Variants in IGF2BP2 observed in about 807,000 individuals in gnomAD.
IGF2BP2 encodes insulin-like growth factor 2 mRNA-binding protein 2.
In IGF2BP2, 17 loss-of-function variants were observed where a neutral mutation model predicts 75.8. The ratio of observed to expected loss-of-function variants is 0.22; its 90% confidence interval spans 0.15 to 0.34. IGF2BP2 has a LOEUF of 0.34. Ranked by LOEUF, IGF2BP2 falls within the 10% of genes least tolerant of loss-of-function variation. The probability of loss-of-function intolerance (pLI) is 1.00; values close to 1 mark genes in which losing one functional copy is unlikely to be tolerated. For synonymous variants in IGF2BP2, 288 were observed against 295.6 expected (o/e 0.97, Z 0.26); for missense variants, 516 against 772.4 (o/e 0.67, Z 3.93).
chr3:185,771,026 T>C (rs1211807274), intron 2 of IGF2BP2, among the ~76,000 whole-genome samples: 3 of 152,172 alleles, frequency 2.0e-5, no homozygotes, highest in Non-Finnish European at 4.4e-5. Flanking sequence ...GCTGAAATTA[T>C]AGGCATGAGC....
chr3:185,675,712 A>T, intron 8 of IGF2BP2, 79 bp downstream of exon 8: 3 of 1,507,882 alleles, frequency 2.0e-6, no homozygotes, highest in South Asian at 2.6e-5. Context: ...TTTAGGGAAA[A>T]GTAGATGAAT....
At chr3:185,756,044 C>T (rs371509580) in intron 2 of IGF2BP2, among the ~76,000 whole-genome samples, 1 of 152,168 alleles carries the variant, frequency 6.6e-6, no homozygotes, top group African/African-American at 2.4e-5. Context: ...AAATGTGATC[C>T]TCATTGCTGG....
intron 4 of IGF2BP2, 58 bp downstream of exon 4, chr3:185,696,554 A>G (rs1722605052): frequency 4.8e-6 from 7 of 1,446,182 alleles, no homozygotes; most frequent in African/African-American, 2.8e-5. Flanking sequence ...GACCTAACCT[A>G]TAAGAAATAA....
intron 7 of IGF2BP2, among the ~76,000 whole-genome samples, chr3:185,677,086 G>T (rs1349132265): frequency 6.7e-5 from 8 of 119,052 alleles, no homozygotes; most frequent in East Asian, 2.5e-4. Context: ...GAGAGAGAGA[G>T]AGAGAGAGAG....
At chr3:185,741,767 G>A (rs1729585204) in intron 2 of IGF2BP2, among the ~76,000 whole-genome samples, 1 of 152,210 alleles carries the variant, frequency 6.6e-6, no homozygotes, top group Non-Finnish European at 1.5e-5. Context: ...CCATGAGTGG[G>A]AGTTCCACAA....
At chr3:185,767,409 A>G (rs895210009) in intron 2 of IGF2BP2, among the ~76,000 whole-genome samples, 1 of 152,206 alleles carries the variant, frequency 6.6e-6, no homozygotes, top group Non-Finnish European at 1.5e-5. Context: ...TCTAAAATCC[A>G]ATCCCATTTC....
At chr3:185,821,545 T>C (rs991437543) in intron 2 of IGF2BP2, among the ~76,000 whole-genome samples, 5 of 152,164 alleles carry the variant, frequency 3.3e-5, no homozygotes, top group African/African-American at 1.2e-4. Context: ...TGTTAATAAC[T>C]TTAGATAAAC....
chr3:185,810,235 T>C (rs1739620021), intron 2 of IGF2BP2, among the ~76,000 whole-genome samples: 1 of 152,240 alleles, frequency 6.6e-6, no homozygotes, highest in Admixed American at 6.5e-5. Flanking sequence ...TGTTTTGTTT[T>C]GTTTTATAAA....
chr3:185,666,002 A>G (rs1399458185), intron 10 of IGF2BP2, among the ~76,000 whole-genome samples: 2 of 8,616 alleles, frequency 2.3e-4, no homozygotes, highest in African/African-American at 5.8e-4. Flanking sequence ...AGATAGGTAC[A>G]TAGATAGATA....
At chr3:185,793,735 A>G (rs1208481647) in intron 2 of IGF2BP2, among the ~76,000 whole-genome samples, 2 of 152,050 alleles carry the variant, frequency 1.3e-5, no homozygotes, top group Admixed American at 6.6e-5. Flanking sequence ...CTGATAACAC[A>G]ACTGCTCAGT....
intron 2 of IGF2BP2, among the ~76,000 whole-genome samples, chr3:185,714,386 T>TATCC (rs1395425930): frequency 3.3e-5 from 5 of 152,224 alleles, no homozygotes; most frequent in South Asian, 4.1e-4. Context: ...ATCATCTAGC[T>TATCC]ATCCATCCAT....
In IGF2BP2 at chr3:185,686,077, A is replaced by T. The variant is rs144262845; in HGVS notation, c.812+980T>A. 7.7e-3 allele frequency among the ~76,000 whole-genome samples: 1,180 copies of T among 152,310 alleles called. 10 individuals carry two copies. The highest frequency in any genetic ancestry group is 0.012 in the Non-Finnish European group (823 of 68,028). ...CCTCATTACACTGTGGAATCCTATAATTACTTCATAAAATAAGGGGAAAGG... is the reference window on the plus strand; with the variant it reads ...CCTCATTACACTGTGGAATCCTATATTTACTTCATAAAATAAGGGGAAAGG... On this transcript the variant is annotated intron_variant, in intron 7 of 15. Transcript: ENST00000382199.
At chr3:185,806,217 T>G (rs539970151) in intron 2 of IGF2BP2, among the ~76,000 whole-genome samples, 1 of 152,300 alleles carries the variant, frequency 6.6e-6, no homozygotes, top group Non-Finnish European at 1.5e-5. Flanking sequence ...GACTGTTTTG[T>G]GAAAAAATAT....
intron 2 of IGF2BP2, among the ~76,000 whole-genome samples, chr3:185,707,117 C>T (rs1230618873): frequency 6.6e-6 from 1 of 151,184 alleles, no homozygotes; most frequent in African/African-American, 2.4e-5. Context: ...CCCAGTTACT[C>T]GAGAGGCTGA....
intron 10 of IGF2BP2, among the ~76,000 whole-genome samples, chr3:185,664,043 G>A (rs935862909): frequency 6.6e-6 from 1 of 152,218 alleles, no homozygotes; most frequent in African/African-American, 2.4e-5. Flanking sequence ...CGACGACTTG[G>A]CCGGAGGGTT....
intron 4 of IGF2BP2, among the ~76,000 whole-genome samples, chr3:185,695,295 G>A (rs1199400549): frequency 6.6e-6 from 1 of 152,072 alleles, no homozygotes; most frequent in African/African-American, 2.4e-5. Flanking sequence ...CAAGAAAATG[G>A]GTTGTTTGCA....
Position 185,773,291 on chromosome 3 carries a change from A to G in IGF2BP2, c.239+49862T>C, listed in dbSNP as rs555859074. Among the ~76,000 whole-genome samples the G allele has an allele frequency of 1.4e-4, 22 of 152,264 alleles. 1 individual carries two copies. Among genetic ancestry groups the G allele is most frequent in the African/African-American group, 3.6e-4 (15 of 41,590 alleles). On this transcript the variant is annotated intron_variant, in intron 2 of 15. Coordinates refer to ENST00000382199, the MANE Select transcript of IGF2BP2 (RefSeq NM_006548.6). Reference sequence around the variant, plus strand: ...TAATTCCTACTTGTCTATATTGTTAAGGAGGAATAATCACTATTATAACAC... The same window carrying G: ...TAATTCCTACTTGTCTATATTGTTAGGGAGGAATAATCACTATTATAACAC...
At chr3:185,646,994 C>G in intron 15 of IGF2BP2, 31 bp downstream of exon 15, 1 of 1,502,176 alleles carries the variant, frequency 6.7e-7, no homozygotes. Flanking sequence ...AAGAGACTTG[C>G]AGGAGAGACA....
chr3:185,643,272 C>A lies in IGF2BP2; in HGVS notation c.*2259G>T, dbSNP rs566300690. On this transcript the variant is annotated 3_prime_UTR_variant, in exon 16 of 16. Transcript: ENST00000382199. ...AGTGCCTCTTCCCGGAACTGCCGGG[C>A]ATATTATCCTCCCCCTTTCCTCCAC... Among the ~76,000 whole-genome samples the A allele has an allele frequency of 6.6e-6, 1 of 152,336 alleles. No individual in the cohort carries two copies. Among genetic ancestry groups the A allele is most frequent in the South Asian group, 2.1e-4 (1 of 4,826 alleles).
Sources: gnomAD v4.1 joint callset for allele counts (sites outside exome capture counted in the v4.1 genomes callset) on GRCh38, gnomAD v4.1.1 for gene constraint, MANE v1.5 for transcripts, NCBI Gene and HGNC (gene_info 2026-07-23, HGNC 2026-07-21) for gene names.